Variants in RS1 observed in about 807,000 individuals in gnomAD.
RS1 encodes the protein retinoschisin 1, also known as retinoschisin.
RS1 carries 2 observed loss-of-function variants against 20.8 expected under a neutral mutation model. That is an observed-to-expected ratio of 0.10 (90% CI 0.04 to 0.30). RS1 has a LOEUF of 0.30. Among genes scored for constraint, RS1 ranks in the 10% least tolerant of loss-of-function variants. RS1 has a pLI of 1.00. For missense variants in RS1, 151 were observed against 189.8 expected, an observed-to-expected ratio of 0.80 and a Z score of 1.20; for synonymous variants, 70 against 75.8, an observed-to-expected ratio of 0.92 and a Z score of 0.40.
intron 1 of RS1, among the ~76,000 whole-genome samples, chrX:18,665,725 C>A (rs1928394272): frequency 9.2e-6 from 1 of 108,423 alleles, no homozygotes; most frequent in African/African-American, 3.4e-5. Flanking sequence ...AATAAACAAA[C>A]AAATAAATAA....
chrX:18,658,160 ACT>A (rs1294647159), intron 1 of RS1, among the ~76,000 whole-genome samples: 3 of 110,943 alleles, frequency 2.7e-5, no homozygotes, highest in African/African-American at 9.9e-5. Flanking sequence ...ACAGAGTAAG[ACT>A]CTGTCTCAAA....
At chrX:18,643,795 C>T (rs1239554932) in intron 5 of RS1, among the ~76,000 whole-genome samples, 2 of 109,333 alleles carry the variant, frequency 1.8e-5, no homozygotes, top group Admixed American at 2.0e-4. Context: ...TTCCAAAGAG[C>T]TAGGGAGTTT....
At chrX:18,665,267 G>A (rs1296412713) in intron 1 of RS1, among the ~76,000 whole-genome samples, 2 of 112,191 alleles carry the variant, frequency 1.8e-5, no homozygotes, top group South Asian at 3.7e-4. Context: ...ACCTGATGCC[G>A]CCACTCTCCT....
At chrX:18,660,770 C>T (rs895998438) in intron 1 of RS1, among the ~76,000 whole-genome samples, 4 of 112,060 alleles carry the variant, frequency 3.6e-5, no homozygotes, top group Non-Finnish European at 5.6e-5. Flanking sequence ...GTAGGCTTGG[C>T]GCTATACTAG....
Position 18,640,911 on chromosome X carries a change from C to T in RS1, c.*1093G>A, listed in dbSNP as rs1246787909. The T allele has an allele frequency of 2.7e-5, 3 of 113,058 alleles. No homozygotes were observed. The highest frequency in any genetic ancestry group is 5.6e-5 in the Non-Finnish European group (3 of 53,315). The allele number at this position is 113,058 out of a possible 1,213,427, so 9.3% of individuals were successfully genotyped here. On this transcript the variant is annotated 3_prime_UTR_variant, in exon 6 of 6. Transcript: ENST00000379984. ...GGCCTCCCAATCTAAGGCGCCGCCT[C>T]CAGGAACGGAAAGCCAGGCCCATTC... is the stretch of plus-strand genomic sequence containing the variant.
At chrX:18,664,161 C>T (rs1928365337) in intron 1 of RS1, among the ~76,000 whole-genome samples, 1 of 112,079 alleles carries the variant, frequency 8.9e-6, no homozygotes, top group Admixed American at 9.5e-5. Context: ...TGGAAATGCT[C>T]ATATGTCCAT....
chrX:18,643,829 A>AATAT lies in RS1; in HGVS notation c.522+597_522+600dup, dbSNP rs755520723. Among the ~76,000 whole-genome samples the AATAT allele has an allele frequency of 3.3e-3, 352 of 105,883 alleles. 4 individuals carry two copies. Among genetic ancestry groups the AATAT allele is most frequent in the African/African-American group, 0.011 (331 of 29,093 alleles). 91.9% of individuals were successfully genotyped at this position (105,883 alleles called of 115,157 possible). On this transcript the variant is annotated intron_variant, in intron 5 of 5. Transcript: ENST00000379984. The stretch of plus-strand genomic sequence containing the variant: ...TTTTAATTCATTTTTATTCATAGCA[A>AATAT]ATATATATATATATATATAGTCAGG...
chrX:18,662,720 C>T (rs1363480516), intron 1 of RS1, among the ~76,000 whole-genome samples: 7 of 107,476 alleles, frequency 6.5e-5, no homozygotes, highest in Non-Finnish European at 9.7e-5. Flanking sequence ...CTCCGCCTCC[C>T]GGGTTCACAC....
intron 4 of RS1, among the ~76,000 whole-genome samples, chrX:18,645,779 G>A (rs759940441): frequency 1.8e-5 from 2 of 110,502 alleles, no homozygotes; most frequent in South Asian, 3.9e-4. Context: ...ATTATCACCC[G>A]ATACTCCCTT....
chrX:18,657,524 A>C, intron 2 of RS1, 116 bp downstream of exon 2: 1 of 640,453 alleles, frequency 1.6e-6, no homozygotes, highest in Non-Finnish European at 2.6e-6. Flanking sequence ...TGCCCAGCCA[A>C]AATATATTTC....
chrX:18,670,770 A>G (rs927452521), intron 1 of RS1, among the ~76,000 whole-genome samples: 1 of 111,742 alleles, frequency 8.9e-6, no homozygotes, highest in Admixed American at 9.6e-5. Context: ...ACCCCAAAGC[A>G]TCTTAAAGTA....
chrX:18,642,043 G>T lies in RS1; in HGVS notation c.636C>A (p.Ile212=). Residue 212 remains isoleucine (I), a synonymous_variant, in exon 6 of 6, where the codon ATC becomes ATA. Coordinates refer to ENST00000379984, the MANE Select transcript of RS1 (RefSeq NM_000330.4). ...TGACGCACTCCAGCAGCTCCATCCG[G>T]ATGGCAATGCGGACGTGCCAGCCCA... ...IPLGWHVRIA[I]RMELLECVSK... is the part of the protein sequence containing the mutation. 1.7e-6 allele frequency: 2 copies of T among 1,211,772 alleles called. No homozygotes were observed. Among genetic ancestry groups the T allele is most frequent in the Non-Finnish European group, 2.2e-6 (2 of 895,517 alleles).
chrX:18,648,889 G>T (rs1927905685), intron 3 of RS1, among the ~76,000 whole-genome samples: 2 of 109,751 alleles, frequency 1.8e-5, no homozygotes, highest in Middle Eastern at 4.6e-3. Flanking sequence ...CCAGCCTGGG[G>T]CAACATAGGG....
rs868542187 is a variant in RS1 at position 18,656,813 on chromosome X, T to C, written c.79-55A>G. ...AAGTCACGGTCAAAGGCAACTGTGG[T>C]TGCCCCCACGGAGTGATCACACTCA... is the stretch of plus-strand genomic sequence containing the variant. On this transcript the variant is annotated intron_variant, in intron 2 of 5. Coordinates refer to ENST00000379984, the MANE Select transcript of RS1 (RefSeq NM_000330.4). 4.6e-5 allele frequency: 46 copies of C among 1,009,566 alleles called. No individual in the cohort carries two copies. In the Middle Eastern group the frequency reaches 6.7e-3, roughly 147 times the overall value. The allele number at this position is 1,009,566 out of a possible 1,213,427, so 83.2% of individuals were successfully genotyped here. A position where few individuals can be genotyped will look rare whatever the true frequency, so the allele number is the denominator to read the frequency against.
intron 1 of RS1, among the ~76,000 whole-genome samples, chrX:18,664,708 T>G (rs754897946): frequency 2.2e-4 from 24 of 110,452 alleles, no homozygotes; most frequent in African/African-American, 3.6e-4. Context: ...GTTGTTATTA[T>G]TAGTAGTATT....
At chrX:18,655,336 T>C (rs1157198800) in intron 3 of RS1, among the ~76,000 whole-genome samples, 1 of 112,158 alleles carries the variant, frequency 8.9e-6, no homozygotes, top group Non-Finnish European at 1.9e-5. Flanking sequence ...TGCTTGAGCA[T>C]TTACATATTG....
intron 3 of RS1, among the ~76,000 whole-genome samples, chrX:18,651,139 C>CCCGCCACACCCT (rs1928013363): frequency 9.7e-6 from 1 of 102,976 alleles, no homozygotes; most frequent in South Asian, 4.9e-4. Flanking sequence ...CACCGCACCC[C>CCCGCCACACCCT]CCGCCACACC....
rs1047173033 is a variant in RS1, at chrX:18,663,764, T to C, written c.53-6099A>G. On this transcript the variant is annotated intron_variant, in intron 1 of 5. Transcript: ENST00000379984. ...AGCTTCCACCACTCTAGGTACACCT[T>C]CTCAGTCTCCTTTGAGAGCTCTGCT... Among the ~76,000 whole-genome samples, 3 of 111,870 alleles carry C rather than the reference T, an allele frequency of 2.7e-5. No homozygotes were observed. In the East Asian group the frequency reaches 8.4e-4, roughly 31 times the overall value.
intron 1 of RS1, among the ~76,000 whole-genome samples, chrX:18,670,423 C>T (rs2147209103): frequency 9.1e-6 from 1 of 109,961 alleles, no homozygotes; most frequent in East Asian, 2.9e-4. Flanking sequence ...GACGGGGTTT[C>T]ACCAGGTTGG....
Sources: allele counts gnomAD v4.1 joint callset (sites outside exome capture counted in the v4.1 genomes callset), GRCh38; gene constraint gnomAD v4.1.1; transcripts MANE v1.5; gene names NCBI Gene and HGNC (gene_info 2026-07-23, HGNC 2026-07-21).